Variants in CHST15 observed in about 807,000 individuals in gnomAD.
CHST15 encodes the protein B cell RAG associated protein (GALNAC4S-6ST).
CHST15 carries 30 observed loss-of-function variants against 53.6 expected under a neutral mutation model. The ratio of observed to expected loss-of-function variants is 0.56; its 90% CI spans 0.42 to 0.76. The LOEUF is 0.76. Ranked by LOEUF, CHST15 falls within the 30% of genes least tolerant of loss-of-function variation. The probability of loss-of-function intolerance (pLI) is 0.00; values close to 1 mark genes in which losing one functional copy is unlikely to be tolerated. For synonymous variants in CHST15, 296 were observed against 289.8 expected, an observed-to-expected ratio of 1.02 and a Z score of -0.22; for missense variants, 627 against 740.5, an observed-to-expected ratio of 0.85 and a Z score of 1.78.
intron 5 of CHST15, among the ~76,000 whole-genome samples, chr10:124,028,924 C>A (rs1947115364): frequency 6.6e-6 from 1 of 151,828 alleles, no homozygotes; most frequent in South Asian, 2.1e-4. Context: ...CCAGCTGGCT[C>A]CTCAATGACA....
At chr10:124,060,345 G>A (rs144518772) in intron 1 of CHST15, among the ~76,000 whole-genome samples, 2 of 150,500 alleles carry the variant, frequency 1.3e-5, no homozygotes, top group East Asian at 4.0e-4. Flanking sequence ...GATCCTCCAG[G>A]AATGTGCAAA....
chr10:124,056,525 C>T (rs1164141467), intron 1 of CHST15, among the ~76,000 whole-genome samples: 1 of 152,154 alleles, frequency 6.6e-6, no homozygotes, highest in Admixed American at 6.5e-5. Flanking sequence ...TAGAGGCTGG[C>T]CTGGTGCCAA....
At chr10:124,035,519 C>T (rs1012353363) in intron 5 of CHST15, among the ~76,000 whole-genome samples, 2 of 150,580 alleles carry the variant, frequency 1.3e-5, no homozygotes, top group Admixed American at 1.3e-4. Context: ...CATCCCCTAA[C>T]AGGGACCCTG....
chr10:124,010,091 T>C lies in CHST15; in HGVS notation c.*58A>G. 6.2e-7 allele frequency: 1 copy of C among 1,611,272 alleles called. No individual in the cohort carries two copies. Among genetic ancestry groups the C allele is most frequent in the Middle Eastern group, 2.2e-4 (1 of 4,446 alleles). ...AAACAGTTCCCCGCAAAGAGATTTG[T>C]AAAATCCTGATGATGACGGCATTGG... is the stretch of plus-strand genomic sequence containing the variant. On this transcript the variant is annotated 3_prime_UTR_variant, in exon 8 of 8. Transcript: ENST00000435907.
Position 124,009,849 on chromosome 10 carries a change from C to T in CHST15, c.*300G>A. Reference sequence around the variant, plus strand: ...CTGCCTTCCCTAGGTGTTCTCTCCACACCCAGTGCAGGCCAGCTGGCTGCA... The same window carrying T: ...CTGCCTTCCCTAGGTGTTCTCTCCATACCCAGTGCAGGCCAGCTGGCTGCA... On this transcript the variant is annotated 3_prime_UTR_variant, in exon 8 of 8. Coordinates refer to ENST00000435907, the MANE Select transcript of CHST15 (RefSeq NM_001270764.2). The T allele has an allele frequency of 8.4e-7, 1 of 1,194,238 alleles. No individual in the cohort carries two copies. The highest frequency in any genetic ancestry group is 1.0e-6 in the Non-Finnish European group (1 of 957,468). The allele number at this position is 1,194,238 out of a possible 1,614,324, so 74.0% of individuals were successfully genotyped here.
At chr10:124,033,228 C>T (rs934083971) in intron 5 of CHST15, among the ~76,000 whole-genome samples, 4 of 152,076 alleles carry the variant, frequency 2.6e-5, no homozygotes, top group South Asian at 2.1e-4. Flanking sequence ...TCATGGGCTT[C>T]GAAAAAGAAG....
intron 1 of CHST15, among the ~76,000 whole-genome samples, chr10:124,057,771 G>A (rs953525150): frequency 6.6e-6 from 1 of 152,204 alleles, no homozygotes; most frequent in Non-Finnish European, 1.5e-5. Flanking sequence ...AGGCAGGAGG[G>A]AGAATGGGGT....
chr10:124,015,657 G>A (rs969446621), intron 6 of CHST15, among the ~76,000 whole-genome samples: 18 of 152,220 alleles, frequency 1.2e-4, no homozygotes, highest in Non-Finnish European at 2.9e-5. Context: ...TCATTCATTT[G>A]GCAAATAAGC....
intron 6 of CHST15, among the ~76,000 whole-genome samples, chr10:124,014,427 G>C (rs560856108): frequency 6.6e-6 from 1 of 152,168 alleles, no homozygotes; most frequent in Non-Finnish European, 1.5e-5. Context: ...TGGATAAGTT[G>C]CCTTCAAAAT....
At chr10:124,068,769 A>T (rs899233085) in intron 1 of CHST15, among the ~76,000 whole-genome samples, 1 of 152,220 alleles carries the variant, frequency 6.6e-6, no homozygotes, top group African/African-American at 2.4e-5. Flanking sequence ...TTCTTGAATT[A>T]AAAAAAGAAG....
intron 1 of CHST15, among the ~76,000 whole-genome samples, chr10:124,056,930 C>T (rs980776064): frequency 3.3e-5 from 5 of 151,708 alleles, no homozygotes; most frequent in African/African-American, 7.3e-5. Context: ...CCCGTACGAC[C>T]GGACACTCTG....
intron 6 of CHST15, among the ~76,000 whole-genome samples, chr10:124,017,832 G>T (rs1450659605): frequency 6.6e-6 from 1 of 152,026 alleles, no homozygotes. Flanking sequence ...TGCCAGGTTG[G>T]TGCTGAGTCT....
At chr10:124,044,148 C>CT (rs1177498322) in intron 3 of CHST15, among the ~76,000 whole-genome samples, 2 of 148,372 alleles carry the variant, frequency 1.3e-5, no homozygotes, top group Admixed American at 6.7e-5. Flanking sequence ...CGGCACAGAG[C>CT]AGGAAACGGC....
chr10:124,093,324 C>G (rs1441413485), intron 1 of CHST15, 145 bp downstream of exon 1: 2 of 152,604 alleles, frequency 1.3e-5, no homozygotes, highest in Non-Finnish European at 2.9e-5. Flanking sequence ...TCCGCCGGCC[C>G]GGACTCCCTA....
intron 1 of CHST15, among the ~76,000 whole-genome samples, chr10:124,059,808 A>C (rs1948500158): frequency 6.6e-6 from 1 of 152,220 alleles, no homozygotes; most frequent in Non-Finnish European, 1.5e-5. Context: ...AAAGATGAGC[A>C]AAATAAGAAT....
intron 6 of CHST15, chr10:124,020,853 G>C: frequency 2.4e-6 from 3 of 1,248,826 alleles, no homozygotes; most frequent in Non-Finnish European, 3.0e-6. Context: ...AAGAAGCATT[G>C]AAAATCATTG....
chr10:124,033,345 A>C (rs1324364636), intron 5 of CHST15, among the ~76,000 whole-genome samples: 1 of 152,240 alleles, frequency 6.6e-6, no homozygotes, highest in East Asian at 1.9e-4. Context: ...TTCCTCTGCC[A>C]CTAGAGCTGG....
At chr10:124,025,876 A>T (rs28621826) in intron 5 of CHST15, among the ~76,000 whole-genome samples, 32,299 of 152,060 alleles carry the variant, frequency 0.21, 3,748 homozygotes, top group Non-Finnish European at 0.26. Flanking sequence ...AGCTGGGAGC[A>T]GGGGACGGCT....
At chr10:124,081,884 A>G (rs1007148384) in intron 1 of CHST15, among the ~76,000 whole-genome samples, 2 of 152,206 alleles carry the variant, frequency 1.3e-5, no homozygotes, top group African/African-American at 4.8e-5. Flanking sequence ...TCACAATTAC[A>G]GCCCCTTGCT....
Sources: allele counts gnomAD v4.1 joint callset (sites outside exome capture counted in the v4.1 genomes callset), GRCh38; gene constraint gnomAD v4.1.1; transcripts MANE v1.5; gene names NCBI Gene and HGNC (gene_info 2026-07-23, HGNC 2026-07-21).